Variants in MAMDC2 observed in about 807,000 individuals in gnomAD.
MAMDC2 encodes MAM domain-containing protein 2.
A neutral mutation model predicts 89.8 loss-of-function variants in MAMDC2; 57 were observed. That is an observed-to-expected ratio of 0.63 (90% CI 0.51 to 0.79). The LOEUF (loss-of-function observed/expected upper bound fraction) is 0.79, where lower values mean the gene tolerates loss of function less well. Among genes scored for constraint, MAMDC2 ranks in the 30% least tolerant of loss-of-function variants. MAMDC2 has a pLI of 0.00. For missense variants in MAMDC2, 800 were observed against 820.6 expected (o/e 0.97, Z 0.31); for synonymous variants, 313 against 293.4 (o/e 1.07, Z -0.68).
chr9:70,217,414 C>G lies in MAMDC2; in HGVS notation c.1652-923C>G, dbSNP rs1029717899. 8 of 1,320,602 alleles carry G rather than the reference C, an allele frequency of 6.1e-6. No individual in the cohort carries two copies. In the East Asian group the frequency reaches 1.8e-4, roughly 30 times the overall value. The allele number at this position is 1,320,602 out of a possible 1,614,324, so 81.8% of individuals were successfully genotyped here. A position where few individuals can be genotyped will look rare whatever the true frequency, so the allele number is the denominator to read the frequency against. ...AGAAATTCAAAAGAAAAGAACCCAC[C>G]CAGCAGTCAAATTCCAGAGGGCCAT... On this transcript the variant is annotated intron_variant, in intron 11 of 13. Transcript: ENST00000377182.
At chr9:70,216,976 C>T (rs745950590) in intron 11 of MAMDC2, among the ~76,000 whole-genome samples, 8 of 152,122 alleles carry the variant, frequency 5.3e-5, no homozygotes, top group Non-Finnish European at 1.0e-4. Flanking sequence ...ACCTGGAGCT[C>T]GGACAGAATG....
chr9:70,100,298 T>C (rs865796371), intron 2 of MAMDC2, among the ~76,000 whole-genome samples: 16 of 152,336 alleles, frequency 1.1e-4, no homozygotes, highest in South Asian at 2.1e-4. Context: ...AAAGTGACAT[T>C]GTTTCTAAGT....
At chr9:70,107,337 G>T (rs1201755246) in intron 2 of MAMDC2, among the ~76,000 whole-genome samples, 1 of 152,060 alleles carries the variant, frequency 6.6e-6, no homozygotes, top group Non-Finnish European at 1.5e-5. Flanking sequence ...AGAGGGAGAA[G>T]GGAAGGAGAA....
intron 9 of MAMDC2, among the ~76,000 whole-genome samples, chr9:70,159,363 T>C (rs1046939525): frequency 1.3e-5 from 2 of 152,062 alleles, no homozygotes; most frequent in African/African-American, 4.8e-5. Flanking sequence ...TTATTAGGAG[T>C]TGGTTAAATA....
intron 9 of MAMDC2, among the ~76,000 whole-genome samples, chr9:70,162,643 A>G (rs1441043337): frequency 6.6e-6 from 1 of 151,912 alleles, no homozygotes; most frequent in East Asian, 2.0e-4. Flanking sequence ...GGTGTACACC[A>G]CCGTGCCCAG....
intron 11 of MAMDC2, among the ~76,000 whole-genome samples, chr9:70,204,017 C>T (rs2118640885): frequency 6.7e-6 from 1 of 149,422 alleles, no homozygotes; most frequent in Middle Eastern, 3.5e-3. Flanking sequence ...TCCCGTAGCT[C>T]AGAGTAATTT....
At chr9:70,169,854 T>A (rs2032280190) in intron 10 of MAMDC2, 1 of 152,194 alleles carries the variant, frequency 6.6e-6, no homozygotes, top group East Asian at 1.9e-4. Flanking sequence ...GTTCTAAAAT[T>A]TAATTATTGA....
chr9:70,107,104 G>A (rs530668347), intron 2 of MAMDC2, among the ~76,000 whole-genome samples: 12 of 152,238 alleles, frequency 7.9e-5, no homozygotes, highest in Admixed American at 5.9e-4. Flanking sequence ...CCATGAATGT[G>A]GGGCCCTCCG....
At chr9:70,168,571 G>C in intron 9 of MAMDC2, 131 bp from the exon 10 acceptor site, 1 of 644,966 alleles carries the variant, frequency 1.6e-6, no homozygotes, top group East Asian at 2.7e-5. Context: ...GTGTTCTGTT[G>C]TTCATACGGA....
intron 2 of MAMDC2, among the ~76,000 whole-genome samples, chr9:70,057,423 C>T (rs759948070): frequency 2.0e-5 from 3 of 152,116 alleles, no homozygotes; most frequent in Non-Finnish European, 2.9e-5. Flanking sequence ...AGCTCAGTTG[C>T]CTCAGAATAT....
At chr9:70,168,838 AC>A (rs747229519) in intron 10 of MAMDC2, 43 bp downstream of exon 10, 4 of 1,455,802 alleles carry the variant, frequency 2.7e-6, no homozygotes, top group Non-Finnish European at 3.9e-6. Flanking sequence ...TCTGACCTAT[AC>A]ATACATTTCC....
chr9:70,086,157 A>T lies in MAMDC2; in HGVS notation c.149-22054A>T, dbSNP rs1827765949. On this transcript the variant is annotated intron_variant, in intron 2 of 13. Transcript: ENST00000377182. ...ATTTATTTGTTAAGATACACTTTTT[A>T]AAAATTTGAAATACTTTAAACTTGC... 3 of 152,130 alleles carry T rather than the reference A, an allele frequency of 2.0e-5. No homozygotes were observed. In the South Asian group the frequency reaches 6.2e-4, roughly 31 times the overall value. The allele number at this position is 152,130 out of a possible 1,614,324, so 9.4% of individuals were successfully genotyped here.
chr9:70,074,531 A>G (rs1019359712), intron 2 of MAMDC2, among the ~76,000 whole-genome samples: 6 of 152,182 alleles, frequency 3.9e-5, no homozygotes, highest in Admixed American at 2.6e-4. Context: ...CACTGTCTGC[A>G]GGGGGTTGGG....
intron 2 of MAMDC2, chr9:70,081,518 T>C (rs1587452829): frequency 6.6e-6 from 1 of 152,154 alleles, no homozygotes; most frequent in Non-Finnish European, 1.5e-5. Flanking sequence ...AAAACTTTAA[T>C]GTTTCGTATT....
chr9:70,182,107 G>A (rs905194396), intron 11 of MAMDC2, among the ~76,000 whole-genome samples: 2 of 152,180 alleles, frequency 1.3e-5, no homozygotes, highest in African/African-American at 4.8e-5. Flanking sequence ...CATCTATTGA[G>A]ATAATCATGT....
chr9:70,055,842 T>A (rs1172835128), intron 2 of MAMDC2, among the ~76,000 whole-genome samples: 1 of 152,206 alleles, frequency 6.6e-6, no homozygotes, highest in African/African-American at 2.4e-5. Context: ...TAAGGAGTAT[T>A]CCTAAACTTC....
chr9:70,140,549 A>G (rs2031177816), intron 8 of MAMDC2, among the ~76,000 whole-genome samples: 1 of 152,208 alleles, frequency 6.6e-6, no homozygotes, highest in Non-Finnish European at 1.5e-5. Context: ...AATACCTTTA[A>G]GGAAAAAAAA....
At chr9:70,044,732 A>G in intron 2 of MAMDC2, 35 bp downstream of exon 2, 1 of 1,448,656 alleles carries the variant, frequency 6.9e-7, no homozygotes, top group Non-Finnish European at 9.5e-7. Context: ...CGCGAAGTGA[A>G]CTTTCTTCCT....
intron 11 of MAMDC2, among the ~76,000 whole-genome samples, chr9:70,182,700 T>C (rs1450219146): frequency 6.6e-6 from 1 of 152,208 alleles, no homozygotes; most frequent in African/African-American, 2.4e-5. Flanking sequence ...TCAGTTGTGA[T>C]ATTCCCTTTA....
Sources: gnomAD v4.1 joint callset for allele counts (sites outside exome capture counted in the v4.1 genomes callset) on GRCh38, gnomAD v4.1.1 for gene constraint, MANE v1.5 for transcripts, NCBI Gene and HGNC (gene_info 2026-07-23, HGNC 2026-07-21) for gene names.